GABRG3: variants seen among roughly 807,000 people sequenced by gnomAD.
GABRG3 encodes the protein gamma-aminobutyric acid type A receptor subunit gamma3.
In GABRG3, 25 loss-of-function variants were observed where a neutral mutation model predicts 48.8. That is an observed-to-expected ratio of 0.51 (90% confidence interval 0.37 to 0.72). The LOEUF is 0.72. Ranked by LOEUF, GABRG3 falls within the 30% of genes least tolerant of loss-of-function variation. The probability of loss-of-function intolerance (pLI) is 0.00; values close to 1 mark genes in which losing one functional copy is unlikely to be tolerated. For missense variants in GABRG3, 394 were observed against 577.9 expected (o/e 0.68, Z 3.26); for synonymous variants, 227 against 217.6 (o/e 1.04, Z -0.38).
At chr15:27,116,331 A>G (rs566525234) in intron 3 of GABRG3, among the ~76,000 whole-genome samples, 16 of 152,296 alleles carry the variant, frequency 1.1e-4, no homozygotes, top group Non-Finnish European at 1.6e-4. Context: ...TTTTTCCGTA[A>G]CAGTTACAAT....
At chr15:27,473,100 G>T (rs370544279) in intron 5 of GABRG3, among the ~76,000 whole-genome samples, 1 of 152,024 alleles carries the variant, frequency 6.6e-6, no homozygotes, top group Admixed American at 6.6e-5. Flanking sequence ...TTATTAGGTT[G>T]TATATCATTG....
chr15:27,040,259 T>G (rs1490536078), intron 3 of GABRG3, among the ~76,000 whole-genome samples: 3 of 152,216 alleles, frequency 2.0e-5, no homozygotes, highest in Admixed American at 2.0e-4. Flanking sequence ...TGTAACTTCT[T>G]TGTCCCTTGA....
At chr15:27,349,574 T>C (rs1370911485) in intron 5 of GABRG3, among the ~76,000 whole-genome samples, 1 of 152,224 alleles carries the variant, frequency 6.6e-6, no homozygotes, top group East Asian at 1.9e-4. Flanking sequence ...CAGAAGCTGC[T>C]GGGGTCGACC....
At chr15:27,233,768 A>G (rs1230582947) in intron 3 of GABRG3, among the ~76,000 whole-genome samples, 3 of 152,238 alleles carry the variant, frequency 2.0e-5, no homozygotes, top group Non-Finnish European at 2.9e-5. Context: ...AGACGCCTGT[A>G]CAAACTACCA....
chr15:27,094,880 A>AAT (rs1317853738), intron 3 of GABRG3, among the ~76,000 whole-genome samples: 3 of 152,186 alleles, frequency 2.0e-5, no homozygotes, highest in African/African-American at 4.8e-5. Context: ...TAGTTTTCCA[A>AAT]ATATATATAT....
intron 2 of GABRG3, among the ~76,000 whole-genome samples, chr15:27,003,207 ATTTATTTAT>A (rs1210734685): frequency 7.9e-6 from 1 of 126,670 alleles, no homozygotes; most frequent in East Asian, 3.0e-4. Flanking sequence ...TTTTATATTT[ATTTATTTAT>A]TTATTTATTT....
chr15:27,423,721 C>CTTTTTTTT (rs542775399), intron 5 of GABRG3, among the ~76,000 whole-genome samples: 18 of 81,792 alleles, frequency 2.2e-4, no homozygotes, highest in East Asian at 3.6e-4. Flanking sequence ...TTTTCTTTTC[C>CTTTTTTTT]TTTTTTTTTT....
chr15:27,296,009 A>G (rs1891971514), intron 3 of GABRG3, among the ~76,000 whole-genome samples: 1 of 152,120 alleles, frequency 6.6e-6, no homozygotes, highest in Non-Finnish European at 1.5e-5. Context: ...GAATTGTGGC[A>G]GGGGTCAGTG....
chr15:27,075,781 T>C lies in GABRG3; in HGVS notation c.270+48960T>C, dbSNP rs114685182. Among the ~76,000 whole-genome samples the C allele has an allele frequency of 5.6e-3, 852 of 152,302 alleles. 6 individuals carry two copies. The highest frequency in any genetic ancestry group is 0.02 in the African/African-American group (819 of 41,566). On this transcript the variant is annotated intron_variant, in intron 3 of 9. Transcript: ENST00000615808. ...CTATGGAGGTATCAGGATGGCTCCC[T>C]GGTGGGGGTGAGACTTGTGCTTGAA...
At chr15:27,232,070 A>G (rs1173073534) in intron 3 of GABRG3, among the ~76,000 whole-genome samples, 1 of 152,242 alleles carries the variant, frequency 6.6e-6, no homozygotes, top group Non-Finnish European at 1.5e-5. Context: ...TTCCAATTCT[A>G]GTAAAAATAC....
At chr15:27,045,594 G>C (rs533684141) in intron 3 of GABRG3, among the ~76,000 whole-genome samples, 79 of 152,308 alleles carry the variant, frequency 5.2e-4, no homozygotes, top group Middle Eastern at 3.4e-3. Context: ...TGCAATTGCT[G>C]GGCATCAAGG....
In GABRG3 at chr15:27,511,857, T is replaced by G. The variant is rs950032237; in HGVS notation, c.713-8115T>G. Among the ~76,000 whole-genome samples the G allele has an allele frequency of 2.6e-5, 4 of 152,218 alleles. No individual in the cohort carries two copies. The East Asian group carries it at 7.7e-4, about 29-fold the overall frequency. ...TACTTTACACAGGTAGTCAATAATC[T>G]AATAGGGTCACATTTGGACAACTGA... On this transcript the variant is annotated intron_variant, in intron 6 of 9. Coordinates refer to ENST00000615808, the MANE Select transcript of GABRG3 (RefSeq NM_033223.5).
intron 3 of GABRG3, among the ~76,000 whole-genome samples, chr15:27,257,837 A>G (rs1400724863): frequency 6.7e-6 from 1 of 148,890 alleles, no homozygotes. Flanking sequence ...TTAACTTTTT[A>G]TAGAGATGAG....
In GABRG3 at chr15:27,307,447, A is replaced by C. The variant is rs199670090; in HGVS notation, c.271-19362A>C. ...TATAGGTTTATATATTTATATATAAACATATAGGTTTATATATTTATATAT... is the reference window on the plus strand; with the variant it reads ...TATAGGTTTATATATTTATATATAACCATATAGGTTTATATATTTATATAT... On this transcript the variant is annotated intron_variant, in intron 3 of 9. Transcript: ENST00000615808. Among the ~76,000 whole-genome samples the C allele has an allele frequency of 2.2e-4, 17 of 76,008 alleles. 1 individual carries two copies. Among genetic ancestry groups the C allele is most frequent in the East Asian group, 2.0e-3 (8 of 4,010 alleles). 49.9% of individuals were successfully genotyped at this position (76,008 alleles called of 152,430 possible). A position where few individuals can be genotyped will look rare whatever the true frequency, so the allele number is the denominator to read the frequency against.
chr15:27,313,777 A>G (rs981107112), intron 3 of GABRG3, among the ~76,000 whole-genome samples: 4 of 152,130 alleles, frequency 2.6e-5, no homozygotes, highest in South Asian at 2.1e-4. Context: ...CTTGAGACCA[A>G]TGAAACGAAA....
At chr15:27,320,847 T>C (rs1893399504) in intron 3 of GABRG3, among the ~76,000 whole-genome samples, 1 of 152,234 alleles carries the variant, frequency 6.6e-6, no homozygotes, top group South Asian at 2.1e-4. Flanking sequence ...ATAATTCATA[T>C]TAATAATTTA....
At chr15:26,971,844 G>A (rs1243453502) in intron 1 of GABRG3, among the ~76,000 whole-genome samples, 2 of 152,170 alleles carry the variant, frequency 1.3e-5, no homozygotes, top group African/African-American at 4.8e-5. Context: ...TTAGGATCTG[G>A]TGGTTTTAAG....
At chr15:27,388,838 A>C (rs72705708) in intron 5 of GABRG3, among the ~76,000 whole-genome samples, 7,036 of 152,146 alleles carry the variant, frequency 0.046, 268 homozygotes, top group East Asian at 0.17. Context: ...ATGGAAGAAG[A>C]AGAGCTAAGA....
intron 5 of GABRG3, among the ~76,000 whole-genome samples, chr15:27,355,587 T>C (rs1894808837): frequency 6.6e-6 from 1 of 152,246 alleles, no homozygotes; most frequent in East Asian, 1.9e-4. Flanking sequence ...AAGCATAGAG[T>C]TACCATGTAA....
Sources: allele counts gnomAD v4.1 joint callset (sites outside exome capture counted in the v4.1 genomes callset), GRCh38; gene constraint gnomAD v4.1.1; transcripts MANE v1.5; gene names NCBI Gene and HGNC (gene_info 2026-07-23, HGNC 2026-07-21).